Variants in IQUB observed in about 807,000 individuals in gnomAD.
IQUB encodes the protein IQ motif and ubiquitin domain containing.
Under a neutral mutation model 86.4 loss-of-function variants are expected in IQUB, and 86 were observed. The ratio of observed to expected loss-of-function variants is 1.00; its 90% CI spans 0.84 to 1.19. The LOEUF (loss-of-function observed/expected upper bound fraction) is 1.19, where lower values mean the gene tolerates loss of function less well. Ranked by LOEUF, IQUB falls within the 50% of genes most tolerant of loss-of-function variation. IQUB has a pLI of 0.00. For missense variants in IQUB, 946 were observed against 916.9 expected (o/e 1.03, Z -0.41); for synonymous variants, 289 against 304.5 (o/e 0.95, Z 0.53).
chr7:123,484,040 G>C (rs1013316162), intron 7 of IQUB, among the ~76,000 whole-genome samples: 1 of 151,926 alleles, frequency 6.6e-6, no homozygotes, highest in African/African-American at 2.4e-5. Flanking sequence ...AGTTTTATCA[G>C]AGTATTTCTT....
At position 123,471,463 on chromosome 7, in the gene IQUB, G is replaced by A. The variant is rs187236911; in HGVS notation, c.1411-2079C>T. ...GCATACAATTTTCCTCAGGTTTGCTGTATTAAATGCAATTGCTTTTCTTCC... is the reference window on the plus strand; with the variant it reads ...GCATACAATTTTCCTCAGGTTTGCTATATTAAATGCAATTGCTTTTCTTCC... On this transcript the variant is annotated intron_variant, in intron 8 of 12. Transcript: ENST00000324698. 3.3e-5 allele frequency among the ~76,000 whole-genome samples: 5 copies of A among 152,248 alleles called. No homozygotes were observed. In the East Asian group the frequency reaches 9.6e-4, roughly 29 times the overall value.
intron 12 of IQUB, chr7:123,456,600 T>C (rs988335897): frequency 1.3e-5 from 2 of 152,104 alleles, no homozygotes; most frequent in African/African-American, 4.8e-5. Flanking sequence ...CTACTGCATT[T>C]TGTCATTTCT....
intron 4 of IQUB, 28 bp downstream of exon 4, chr7:123,503,173 CT>C (rs1796025821): frequency 6.2e-7 from 1 of 1,607,780 alleles, no homozygotes; most frequent in Non-Finnish European, 8.5e-7. Flanking sequence ...CTCAAAAATA[CT>C]TTATCTAAAA....
At chr7:123,489,437 CAT>C (rs1795361807) in intron 7 of IQUB, among the ~76,000 whole-genome samples, 1 of 151,752 alleles carries the variant, frequency 6.6e-6, no homozygotes, top group African/African-American at 2.4e-5. Context: ...AAAGATACTA[CAT>C]GAGTAAAAAT....
chr7:123,457,074 T>C (rs1793732065), intron 12 of IQUB: 2 of 577,432 alleles, frequency 3.5e-6, no homozygotes, highest in African/African-American at 2.0e-5. Context: ...ATTAGAGAAA[T>C]AGATGTAAAT....
In IQUB at chr7:123,461,343, C is replaced by T. The variant is rs1418327338; in HGVS notation, c.2007+14G>A. ...CAAGCTTCAGCTATAATTGGCACCC[C>T]TTATTGACCATACCTGCATCAAGAA... is the stretch of plus-strand genomic sequence containing the variant. On this transcript the variant is annotated intron_variant, in intron 11 of 12. Coordinates refer to ENST00000324698, the MANE Select transcript of IQUB (RefSeq NM_178827.5). The T allele has an allele frequency of 6.3e-7, 1 of 1,592,350 alleles. No individual in the cohort carries two copies. Among genetic ancestry groups the T allele is most frequent in the African/African-American group, 1.3e-5 (1 of 74,350 alleles).
intron 1 of IQUB, among the ~76,000 whole-genome samples, chr7:123,523,038 A>G (rs1430256586): frequency 1.3e-5 from 2 of 150,274 alleles, no homozygotes; most frequent in Non-Finnish European, 3.0e-5. Flanking sequence ...TGAACTCATC[A>G]TTTTTTATGG....
At chr7:123,500,202 T>C (rs938218056) in intron 6 of IQUB, among the ~76,000 whole-genome samples, 3 of 152,318 alleles carry the variant, frequency 2.0e-5, no homozygotes, top group African/African-American at 7.2e-5. Flanking sequence ...TCCTTTACTT[T>C]CTTAATAAAC....
chr7:123,491,598 A>G (rs1483765405), intron 7 of IQUB, among the ~76,000 whole-genome samples: 1 of 152,190 alleles, frequency 6.6e-6, no homozygotes, highest in Non-Finnish European at 1.5e-5. Flanking sequence ...AAAATTACCA[A>G]TTCCTTTAAA....
chr7:123,530,672 A>T (rs1165231646), intron 1 of IQUB, among the ~76,000 whole-genome samples: 85 of 99,400 alleles, frequency 8.6e-4, no homozygotes, highest in Admixed American at 1.2e-3. Context: ...TTGCTCTTTG[A>T]TTTTTTTTTT....
chr7:123,519,854 G>A (rs552080031), intron 1 of IQUB, among the ~76,000 whole-genome samples: 5 of 152,270 alleles, frequency 3.3e-5, no homozygotes, highest in Admixed American at 3.3e-4. Flanking sequence ...ACCTTAATTT[G>A]ATTATTACAA....
chr7:123,506,992 G>T (rs151050171), intron 3 of IQUB, among the ~76,000 whole-genome samples: 48 of 152,262 alleles, frequency 3.2e-4, no homozygotes, highest in African/African-American at 9.6e-4. Context: ...ATACAAAAAT[G>T]TAACTATGTG....
intron 6 of IQUB, among the ~76,000 whole-genome samples, chr7:123,500,306 T>C (rs1358304858): frequency 1.3e-5 from 2 of 152,128 alleles, no homozygotes; most frequent in Non-Finnish European, 2.9e-5. Context: ...ACCACTTTTC[T>C]GTAACATAAC....
chr7:123,452,691 C>A lies in IQUB; in HGVS notation c.*52G>T. 1 of 1,245,708 alleles carries A rather than the reference C, an allele frequency of 8.0e-7. No homozygotes were observed. 77.2% of individuals were successfully genotyped at this position (1,245,708 alleles called of 1,614,324 possible). On this transcript the variant is annotated 3_prime_UTR_variant, in exon 13 of 13. Transcript: ENST00000324698. Reference sequence around the variant, plus strand: ...CCATACTCTGTGACCTCTGTATTACCCTATTAGCAGTGAACAAAATGCCGA... The same window carrying A: ...CCATACTCTGTGACCTCTGTATTACACTATTAGCAGTGAACAAAATGCCGA...
chr7:123,517,530 C>CAAAA lies in IQUB; in HGVS notation c.-4-5190_-4-5187dup, dbSNP rs374712007. On this transcript the variant is annotated intron_variant, in intron 1 of 12. Coordinates refer to ENST00000324698, the MANE Select transcript of IQUB (RefSeq NM_178827.5). ...TGGGTGACAGAGCGAGACTCCATCT[C>CAAAA]AAAAAAAAAAAAAAAAAAAAAAAAA... Among the ~76,000 whole-genome samples, 26 of 22,422 alleles carry CAAAA rather than the reference C, an allele frequency of 1.2e-3. 1 individual carries two copies. Among genetic ancestry groups the CAAAA allele is most frequent in the South Asian group, 6.5e-3 (2 of 306 alleles). The allele number at this position is 22,422 out of a possible 152,430, so 14.7% of individuals were successfully genotyped here.
intron 8 of IQUB, among the ~76,000 whole-genome samples, chr7:123,470,851 A>T: frequency 6.9e-6 from 1 of 145,164 alleles, no homozygotes; most frequent in Non-Finnish European, 1.5e-5. Context: ...ACTCTGTCTC[A>T]AAAAAAAAAA....
intron 1 of IQUB, among the ~76,000 whole-genome samples, chr7:123,528,520 G>A (rs372556499): frequency 1.3e-3 from 199 of 152,236 alleles, no homozygotes; most frequent in African/African-American, 4.7e-3. Flanking sequence ...CCAAATCCAG[G>A]CAGTCTGGAT....
chr7:123,533,833 A>AT lies in IQUB; in HGVS notation c.-5+658dup, dbSNP rs368028480. Among the ~76,000 whole-genome samples, 195 of 152,226 alleles carry AT rather than the reference A, an allele frequency of 1.3e-3. 1 individual carries two copies. Among genetic ancestry groups the AT allele is most frequent in the African/African-American group, 4.3e-3 (178 of 41,530 alleles). On this transcript the variant is annotated intron_variant, in intron 1 of 12. Coordinates refer to ENST00000324698, the MANE Select transcript of IQUB (RefSeq NM_178827.5). ...CTTCATTCTTTTTACTATTCGAACTATTTTTTTATGTATTATCTATTCAAA... is the reference window on the plus strand; with the variant it reads ...CTTCATTCTTTTTACTATTCGAACTATTTTTTTTATGTATTATCTATTCAAA...
Position 123,464,876 on chromosome 7 carries a change from AT to A in IQUB, c.1714del (p.Ile572SerfsTer21), listed in dbSNP as rs760306685. 1.9e-6 allele frequency: 3 copies of A among 1,604,578 alleles called. No homozygotes were observed. In the South Asian group the frequency reaches 3.4e-5, roughly 18 times the overall value. On this transcript the variant is annotated frameshift_variant, in exon 10 of 13. Coordinates refer to ENST00000324698, the MANE Select transcript of IQUB (RefSeq NM_178827.5). LOFTEE classifies it high-confidence loss of function. ...TTCAGGATTAAACAGAGGTGTTTTG[AT>A]ATAATGAAAAAAGAGTGTCGCAATT... The part of the protein sequence containing the change: ...KRIATLFFHY[I>X]KTPLFNPEVA...
Sources: allele counts gnomAD v4.1 joint callset (sites outside exome capture counted in the v4.1 genomes callset), GRCh38; gene constraint gnomAD v4.1.1; transcripts MANE v1.5; gene names NCBI Gene and HGNC (gene_info 2026-07-23, HGNC 2026-07-21).